The following SVIL variants were observed in gnomAD, a reference collection of about 807,000 sequenced individuals.
The protein encoded by SVIL is supervillin.
In SVIL, 101 loss-of-function variants were observed where a neutral mutation model predicts 240.4. That is an observed-to-expected ratio of 0.42 (90% confidence interval 0.36 to 0.50). The LOEUF is 0.50. SVIL is among the 20% of genes least tolerant of loss of function. SVIL has a pLI of 0.01. For synonymous variants in SVIL, 999 were observed against 1,100.0 expected (o/e 0.91, Z 1.82); for missense variants, 2,512 against 2,818.7 (o/e 0.89, Z 2.46).
At chr10:29,680,641 G>C (rs371672996) in intron 2 of SVIL, among the ~76,000 whole-genome samples, 4 of 152,112 alleles carry the variant, frequency 2.6e-5, no homozygotes, top group African/African-American at 9.7e-5. Context: ...AAGAGAGGCT[G>C]GGCACAGTGG....
At chr10:29,518,314 G>A (rs1950344738) in intron 16 of SVIL, among the ~76,000 whole-genome samples, 1 of 152,180 alleles carries the variant, frequency 6.6e-6, no homozygotes, top group African/African-American at 2.4e-5. Flanking sequence ...CTTGAACCCA[G>A]GAGGGGGAGG....
At chr10:29,497,578 G>A (rs1403912987) in intron 18 of SVIL, among the ~76,000 whole-genome samples, 1 of 152,174 alleles carries the variant, frequency 6.6e-6, no homozygotes, top group African/African-American at 2.4e-5. Context: ...GAAGATTGCA[G>A]CAGGGACATC....
chr10:29,517,381 C>T (rs7900018), intron 16 of SVIL, among the ~76,000 whole-genome samples: 66,272 of 151,750 alleles, frequency 0.44, 15,107 homozygotes, highest in African/African-American at 0.55. Context: ...GAGCTATGAT[C>T]GCACCACTGC....
At position 29,555,857 on chromosome 10, in the gene SVIL, G is replaced by C. The variant is rs934115440; in HGVS notation, c.-50-749C>G. Among the ~76,000 whole-genome samples, 97 of 152,186 alleles carry C rather than the reference G, an allele frequency of 6.4e-4. 1 individual carries two copies. The highest frequency in any genetic ancestry group is 3.8e-3 in the Admixed American group (58 of 15,276). ...AGCCGCTTCTCCTCCACCCTGTCAC[G>C]GAATTTGTCAATGGCTGTAACTATC... On this transcript the variant is annotated intron_variant, in intron 3 of 37. Coordinates refer to ENST00000355867, the MANE Select transcript of SVIL (RefSeq NM_021738.3).
intron 2 of SVIL, among the ~76,000 whole-genome samples, chr10:29,678,342 G>A (rs955840251): frequency 5.9e-5 from 9 of 151,794 alleles, no homozygotes; most frequent in Non-Finnish European, 1.5e-5. Flanking sequence ...TTCTCATAAG[G>A]AGCATGCAAC....
upstream of SVIL, among the ~76,000 whole-genome samples, chr10:29,736,038 G>C (rs1395170608): frequency 6.6e-6 from 1 of 152,188 alleles, no homozygotes; most frequent in Non-Finnish European, 1.5e-5. Context: ...TGGGGACACA[G>C]AGGGGGGCCA....
intron 3 of SVIL, among the ~76,000 whole-genome samples, chr10:29,643,321 G>A (rs575915103): frequency 3.3e-5 from 5 of 152,262 alleles, no homozygotes; most frequent in South Asian, 2.1e-4. Context: ...ATCACTGGAG[G>A]TATTTTTTAA....
intron 1 of SVIL, among the ~76,000 whole-genome samples, chr10:29,608,377 G>A (rs1957103977): frequency 6.6e-6 from 1 of 152,260 alleles, no homozygotes; most frequent in Non-Finnish European, 1.5e-5. Context: ...GGGAAGCCAT[G>A]GCTGGGATTG....
intron 29 of SVIL, among the ~76,000 whole-genome samples, chr10:29,475,689 A>G (rs1347090947): frequency 6.6e-6 from 1 of 152,170 alleles, no homozygotes; most frequent in Non-Finnish European, 1.5e-5. Context: ...TGAGGCCAGT[A>G]GACCAAGCAC....
intron 1 of SVIL, among the ~76,000 whole-genome samples, chr10:29,702,182 A>AAAAAAAAAAAAAAAAAAAAAAAAAAAAT (rs1962567049): frequency 6.6e-6 from 1 of 151,118 alleles, no homozygotes; most frequent in Non-Finnish European, 1.5e-5. Context: ...CTCCAAAAAA[A>AAAAAAAAAAAAAAAAAAAAAAAAAAAAT]AAAAAAAAAA....
intron 1 of SVIL, among the ~76,000 whole-genome samples, chr10:29,633,535 C>G (rs932013535): frequency 6.6e-6 from 1 of 152,150 alleles, no homozygotes; most frequent in Non-Finnish European, 1.5e-5. Flanking sequence ...GGTTGCCACA[C>G]TATCTCCGGT....
chr10:29,561,306 A>C (rs1954448345), intron 3 of SVIL, among the ~76,000 whole-genome samples: 2 of 152,210 alleles, frequency 1.3e-5, no homozygotes, highest in South Asian at 4.1e-4. Context: ...TTTATTACAG[A>C]TGAAGTTACC....
In SVIL at chr10:29,465,605, C is replaced by T. The variant is rs1944819257; in HGVS notation, c.6123G>A (p.Ala2041=). Residue 2041 remains alanine (A), a synonymous_variant, in exon 34 of 38, where the codon GCG becomes GCA. Coordinates refer to ENST00000355867, the MANE Select transcript of SVIL (RefSeq NM_021738.3). ...MPFLQEDLYS[A]PQPALFLVDN... ...CCCTGCAGGCCTTACCTGGCTGGGG[C>T]GCGCTGTACAGATCTTCCTGCAGGA... 2 of 1,609,232 alleles carry T rather than the reference C, an allele frequency of 1.2e-6. No individual in the cohort carries two copies. The highest frequency in any genetic ancestry group is 1.7e-6 in the Non-Finnish European group (2 of 1,177,498).
In SVIL at chr10:29,586,585, T is replaced by C. The variant is rs150549957; in HGVS notation, c.-200-17273A>G. 1.1e-3 allele frequency among the ~76,000 whole-genome samples: 164 copies of C among 152,274 alleles called. 1 individual carries two copies. The highest frequency in any genetic ancestry group is 3.8e-3 in the African/African-American group (159 of 41,540). ...ATCTAGTTATATTTCCTCCCTACTA[T>C]ACACATGACCTCACCATTCAAAAAA... is the stretch of plus-strand genomic sequence containing the variant. On this transcript the variant is annotated intron_variant, in intron 1 of 37. Transcript: ENST00000355867.
At chr10:29,699,602 C>T (rs1228903657) in intron 1 of SVIL, among the ~76,000 whole-genome samples, 2 of 152,208 alleles carry the variant, frequency 1.3e-5, no homozygotes, top group African/African-American at 4.8e-5. Context: ...CCATGCCCAG[C>T]CCAAGTTGCT....
rs569009062 is a variant in SVIL, at chr10:29,667,023, G to C, written c.-300-8955C>G. Reference sequence around the variant, plus strand: ...AAGGAGGTAGGAGCGCTCACATTTTGCTGGTTGGAATGCAAAAAAGTGGCA... The same window carrying C: ...AAGGAGGTAGGAGCGCTCACATTTTCCTGGTTGGAATGCAAAAAAGTGGCA... On this transcript the variant is annotated intron_variant, in intron 2 of 35. Coordinates refer to the SVIL transcript ENST00000375400. Among the ~76,000 whole-genome samples the C allele has an allele frequency of 2.0e-5, 3 of 152,154 alleles. No individual in the cohort carries two copies. In the South Asian group the frequency reaches 6.2e-4, roughly 32 times the overall value.
intron 1 of SVIL, among the ~76,000 whole-genome samples, chr10:29,588,500 G>C (rs1175832240): frequency 3.3e-5 from 5 of 152,166 alleles, no homozygotes; most frequent in Non-Finnish European, 7.3e-5. Flanking sequence ...TCTGAAACAA[G>C]ACTCATGAAA....
chr10:29,617,526 A>G (rs1273172188), intron 1 of SVIL, among the ~76,000 whole-genome samples: 1 of 151,856 alleles, frequency 6.6e-6, no homozygotes, highest in East Asian at 1.9e-4. Flanking sequence ...GGTTGCGGTG[A>G]GCCGAGATCG....
chr10:29,476,589 A>G (rs913646745), intron 29 of SVIL, among the ~76,000 whole-genome samples: 6 of 151,814 alleles, frequency 4.0e-5, no homozygotes, highest in African/African-American at 1.5e-4. Context: ...TTTTTGTATA[A>G]ACAAGGTCTC....
Sources: allele counts gnomAD v4.1 joint callset (sites outside exome capture counted in the v4.1 genomes callset), GRCh38; gene constraint gnomAD v4.1.1; transcripts MANE v1.5; gene names NCBI Gene and HGNC (gene_info 2026-07-23, HGNC 2026-07-21).